Variants in CDH13 observed in about 807,000 individuals in gnomAD.
CDH13 encodes the protein cadherin 13.
CDH13 carries 24 observed loss-of-function variants against 63.8 expected under a neutral mutation model. That is an observed-to-expected ratio of 0.38 (90% CI 0.27 to 0.53). The LOEUF (loss-of-function observed/expected upper bound fraction) is 0.53. Ranked by LOEUF, CDH13 falls within the 20% of genes least tolerant of loss-of-function variation. The probability of loss-of-function intolerance (pLI) is 0.85; values close to 1 mark genes in which losing one functional copy is unlikely to be tolerated. For missense variants in CDH13, 1,049 were observed against 903.1 expected (o/e 1.16, Z -2.07); for synonymous variants, 503 against 355.3 (o/e 1.42, Z -4.67).
intron 4 of CDH13, among the ~76,000 whole-genome samples, chr16:83,189,435 A>G (rs1246191784): frequency 6.6e-6 from 1 of 152,230 alleles, no homozygotes; most frequent in Non-Finnish European, 1.5e-5. Context: ...CCCAATATTA[A>G]CAAAGTGGAG....
chr16:83,308,644 C>T (rs373588794), intron 5 of CDH13, among the ~76,000 whole-genome samples: 20 of 152,190 alleles, frequency 1.3e-4, no homozygotes, highest in African/African-American at 3.1e-4. Flanking sequence ...ATGGAAAGAA[C>T]CTTTCCTAAG....
intron 3 of CDH13, among the ~76,000 whole-genome samples, chr16:83,057,701 C>T (rs895311447): frequency 1.3e-5 from 2 of 151,996 alleles, no homozygotes; most frequent in Non-Finnish European, 2.9e-5. Context: ...TCCCTTTGAC[C>T]TGAGCTGTCT....
chr16:83,016,332 T>G (rs1393812912), intron 2 of CDH13, among the ~76,000 whole-genome samples: 1 of 152,222 alleles, frequency 6.6e-6, no homozygotes, highest in Non-Finnish European at 1.5e-5. Context: ...GATGAGTATC[T>G]CACACACTGC....
At chr16:82,898,504 G>A (rs761121728) in intron 2 of CDH13, among the ~76,000 whole-genome samples, 53 of 152,202 alleles carry the variant, frequency 3.5e-4, no homozygotes, top group African/African-American at 1.1e-3. Flanking sequence ...CAGCTTGGGA[G>A]ACAGATTGAG....
chr16:83,132,847 A>T (rs1426287764), intron 4 of CDH13, among the ~76,000 whole-genome samples: 2 of 152,226 alleles, frequency 1.3e-5, no homozygotes, highest in African/African-American at 4.8e-5. Context: ...GTGCTCAAAA[A>T]TTCTTCTTGA....
At chr16:83,777,302 C>T (rs1915189097) in intron 11 of CDH13, among the ~76,000 whole-genome samples, 1 of 152,194 alleles carries the variant, frequency 6.6e-6, no homozygotes, top group Non-Finnish European at 1.5e-5. Flanking sequence ...TACTCAAGGC[C>T]CTCCAGGAGC....
chr16:82,914,544 G>C (rs1346388019), intron 2 of CDH13, among the ~76,000 whole-genome samples: 1 of 152,164 alleles, frequency 6.6e-6, no homozygotes, highest in Non-Finnish European at 1.5e-5. Context: ...ACACTCCTAA[G>C]TAGTTAAAGA....
At position 83,596,410 on chromosome 16, in the gene CDH13, G is replaced by T. The variant is rs1253243567; in HGVS notation, c.961-6044G>T. Among the ~76,000 whole-genome samples, 15 of 143,790 alleles carry T rather than the reference G, an allele frequency of 1.0e-4. No homozygotes were observed. In the East Asian group the frequency reaches 3.1e-3, roughly 29 times the overall value. 94.3% of individuals were successfully genotyped at this position (143,790 alleles called of 152,430 possible). ...TTTCAGAATCCAGTTGTCCCAGCTTGAATTAGGGAGTTACCTGTGAATTTA... is the reference window on the plus strand; with the variant it reads ...TTTCAGAATCCAGTTGTCCCAGCTTTAATTAGGGAGTTACCTGTGAATTTA... On this transcript the variant is annotated intron_variant, in intron 7 of 13. Transcript: ENST00000567109.
intron 7 of CDH13, among the ~76,000 whole-genome samples, chr16:83,502,297 A>G (rs1351864957): frequency 2.6e-5 from 4 of 152,126 alleles, no homozygotes; most frequent in African/African-American, 7.2e-5. Context: ...GCTGGGTTGG[A>G]GATTTAAAGA....
chr16:82,846,355 T>C lies in CDH13; in HGVS notation c.46-12007T>C, dbSNP rs556359958. 3.9e-5 allele frequency among the ~76,000 whole-genome samples: 6 copies of C among 151,958 alleles called. No homozygotes were observed. In the South Asian group the frequency reaches 1.2e-3, roughly 32 times the overall value. ...AACTATAATATTAATGTATACTTAT[T>C]ATATAAGAAATATATATCAGCTATC... On this transcript the variant is annotated intron_variant, in intron 1 of 13. Transcript: ENST00000567109.
intron 3 of CDH13, among the ~76,000 whole-genome samples, chr16:83,092,223 C>G (rs992504039): frequency 6.6e-6 from 1 of 152,204 alleles, no homozygotes; most frequent in African/African-American, 2.4e-5. Flanking sequence ...CACAATTCTT[C>G]AATAGAGAGC....
At chr16:83,393,181 G>A (rs2091821598) in intron 6 of CDH13, among the ~76,000 whole-genome samples, 3 of 152,184 alleles carry the variant, frequency 2.0e-5, no homozygotes, top group Admixed American at 6.5e-5. Flanking sequence ...CCCAGAGCTG[G>A]TGCTAAACTG....
chr16:82,647,892 A>T (rs1417610203), intron 1 of CDH13, among the ~76,000 whole-genome samples: 1 of 152,098 alleles, frequency 6.6e-6, no homozygotes, highest in East Asian at 1.9e-4. Flanking sequence ...CATAGTCCCC[A>T]TGTGTCATGG....
rs1269182349 is a variant in CDH13, at chr16:82,853,311, AG to A, written c.46-5050del. Among the ~76,000 whole-genome samples the A allele has an allele frequency of 3.3e-5, 5 of 152,348 alleles. 1 individual carries two copies. The East Asian group carries it at 9.6e-4, about 29-fold the overall frequency. On this transcript the variant is annotated intron_variant, in intron 1 of 13. Transcript: ENST00000567109. The stretch of plus-strand genomic sequence containing the variant: ...CAGTCTATTCACTGAACAGTTTTTT[AG>A]TAACAACAAAAGTAATAATATGTTG...
intron 2 of CDH13, among the ~76,000 whole-genome samples, chr16:82,928,845 G>A (rs1002939155): frequency 5.9e-5 from 9 of 152,172 alleles, no homozygotes; most frequent in East Asian, 1.9e-4. Context: ...GAGATGAACT[G>A]AAAACACTTA....
intron 3 of CDH13, among the ~76,000 whole-genome samples, chr16:83,060,778 C>T (rs931472409): frequency 6.6e-5 from 10 of 152,168 alleles, no homozygotes; most frequent in Admixed American, 3.3e-4. Flanking sequence ...TATTCTGTAC[C>T]TATTGTCTGT....
At chr16:83,028,348 A>T (rs1455023852) in intron 2 of CDH13, among the ~76,000 whole-genome samples, 2 of 152,248 alleles carry the variant, frequency 1.3e-5, no homozygotes, top group African/African-American at 2.4e-5. Flanking sequence ...TGAGAACCGC[A>T]GGGTCCTGAG....
chr16:83,357,388 C>G (rs1367109289), intron 6 of CDH13, among the ~76,000 whole-genome samples: 3 of 152,146 alleles, frequency 2.0e-5, no homozygotes, highest in African/African-American at 7.2e-5. Flanking sequence ...CAGCTTCGGT[C>G]TGTGATGCAC....
chr16:82,678,289 A>G (rs1252828803), intron 1 of CDH13, among the ~76,000 whole-genome samples: 1 of 151,544 alleles, frequency 6.6e-6, no homozygotes, highest in East Asian at 1.9e-4. Context: ...ACGTTGGTTT[A>G]AAATGCAAAT....
Sources: gnomAD v4.1 joint callset for allele counts (sites outside exome capture counted in the v4.1 genomes callset) on GRCh38, gnomAD v4.1.1 for gene constraint, MANE v1.5 for transcripts, NCBI Gene and HGNC (gene_info 2026-07-23, HGNC 2026-07-21) for gene names.